GUCY2F: variants seen among roughly 807,000 people sequenced by gnomAD.
GUCY2F encodes guanylate cyclase 2F, retinal, also known as retinal guanylyl cyclase 2.
GUCY2F carries 61 observed loss-of-function variants against 73.1 expected under a neutral mutation model. That is an observed-to-expected ratio of 0.83 (90% CI 0.68 to 1.03). GUCY2F has a LOEUF of 1.03. Ranked by LOEUF, GUCY2F falls within the 50% of genes least tolerant of loss-of-function variation. GUCY2F has a pLI of 0.00. For missense variants in GUCY2F, 912 were observed against 854.3 expected (o/e 1.07, Z -0.84); for synonymous variants, 331 against 307.8 (o/e 1.08, Z -0.79).
chrX:109,419,325 A>T (rs1471308091), intron 8 of GUCY2F, among the ~76,000 whole-genome samples: 1 of 110,931 alleles, frequency 9.0e-6, no homozygotes, highest in African/African-American at 3.3e-5. Flanking sequence ...ATCGTCTAGC[A>T]ATATATTAAA....
chrX:109,476,912 T>G (rs937637363), intron 1 of GUCY2F, among the ~76,000 whole-genome samples: 1 of 110,933 alleles, frequency 9.0e-6, no homozygotes, highest in Non-Finnish European at 1.9e-5. Flanking sequence ...GCATTTGTTC[T>G]GCTTGAGTCT....
intron 7 of GUCY2F, 100 bp from the exon 8 acceptor site, chrX:109,430,496 A>C (rs2272926): frequency 1.4e-5 from 7 of 518,469 alleles, no homozygotes; most frequent in Non-Finnish European, 2.0e-5. Context: ...CTATACCAGC[A>C]ATCCAAATAG....
intron 3 of GUCY2F, among the ~76,000 whole-genome samples, chrX:109,457,405 C>T (rs764179341): frequency 1.8e-5 from 2 of 111,763 alleles, no homozygotes; most frequent in East Asian, 5.6e-4. Context: ...ACTTGAAGGA[C>T]AAAATGGCAC....
intron 16 of GUCY2F, among the ~76,000 whole-genome samples, chrX:109,384,506 A>C (rs1001188876): frequency 8.9e-6 from 1 of 112,380 alleles, no homozygotes; most frequent in African/African-American, 3.2e-5. Flanking sequence ...AACAACAGAC[A>C]AATGGCATAT....
intron 6 of GUCY2F, among the ~76,000 whole-genome samples, chrX:109,444,139 G>A (rs190873423): frequency 9.8e-4 from 110 of 111,968 alleles, no homozygotes; most frequent in Non-Finnish European, 1.7e-3. Flanking sequence ...TGTCACAAGG[G>A]TGGAATGTAG....
At chrX:109,384,825 T>C (rs1374567411) in intron 16 of GUCY2F, among the ~76,000 whole-genome samples, 1 of 111,458 alleles carries the variant, frequency 9.0e-6, no homozygotes, top group Non-Finnish European at 1.9e-5. Context: ...TAGTCCCTTA[T>C]GTAGTTCTTT....
At chrX:109,400,714 TCACTCACACCCATGAAAGTCTCCAAAA>T (rs1930819740) in intron 10 of GUCY2F, among the ~76,000 whole-genome samples, 1 of 111,647 alleles carries the variant, frequency 9.0e-6, no homozygotes, top group Admixed American at 9.5e-5. Flanking sequence ...CATCCACCAC[TCACTCACACCCATGAAAGTCTCCAAAA>T]CACTCACTAT....
intron 8 of GUCY2F, among the ~76,000 whole-genome samples, chrX:109,412,993 C>T (rs1159418671): frequency 8.9e-6 from 1 of 112,341 alleles, no homozygotes; most frequent in African/African-American, 3.2e-5. Flanking sequence ...GAATACCCAC[C>T]TTGTGCTGTT....
chrX:109,424,541 G>C (rs1277615418), intron 8 of GUCY2F, among the ~76,000 whole-genome samples: 1 of 110,707 alleles, frequency 9.0e-6, no homozygotes, highest in Non-Finnish European at 1.9e-5. Flanking sequence ...ATAACACCAA[G>C]AGTTTACCCC....
chrX:109,437,294 T>G (rs1931774313), intron 7 of GUCY2F, among the ~76,000 whole-genome samples: 1 of 111,824 alleles, frequency 8.9e-6, no homozygotes, highest in African/African-American at 3.2e-5. Context: ...AAAGTCCCCA[T>G]TTGGCCTACA....
chrX:109,481,448 G>A (rs759354425), intron 1 of GUCY2F, among the ~76,000 whole-genome samples: 2 of 111,575 alleles, frequency 1.8e-5, no homozygotes, highest in Non-Finnish European at 3.8e-5. Context: ...GAAAACCACC[G>A]TTCGTTAAAC....
At chrX:109,444,074 G>C (rs953872052) in intron 6 of GUCY2F, among the ~76,000 whole-genome samples, 9 of 111,505 alleles carry the variant, frequency 8.1e-5, no homozygotes, top group African/African-American at 2.9e-4. Flanking sequence ...ACTACCATGA[G>C]TCCTAGGGTC....
At chrX:109,389,260 G>T (rs750844421) in intron 14 of GUCY2F, among the ~76,000 whole-genome samples, 1 of 111,745 alleles carries the variant, frequency 8.9e-6, no homozygotes, top group South Asian at 3.8e-4. Context: ...CAACTGCTTT[G>T]CAGGGGACGG....
intron 11 of GUCY2F, among the ~76,000 whole-genome samples, chrX:109,397,026 G>C (rs191625645): frequency 8.9e-6 from 1 of 112,060 alleles, no homozygotes; most frequent in African/African-American, 3.2e-5. Context: ...AACAATATAA[G>C]TGCTCTAGCT....
chrX:109,400,714 T>C (rs192192511), intron 10 of GUCY2F, among the ~76,000 whole-genome samples: 1 of 111,647 alleles, frequency 9.0e-6, no homozygotes, highest in Non-Finnish European at 1.9e-5. Context: ...CATCCACCAC[T>C]CACTCACACC....
At chrX:109,407,614 G>A (rs1194842138) in intron 9 of GUCY2F, among the ~76,000 whole-genome samples, 6 of 113,056 alleles carry the variant, frequency 5.3e-5, no homozygotes, top group African/African-American at 1.9e-4. Context: ...GGCCCAGGAG[G>A]AAAACGTGGT....
At chrX:109,423,712 A>G (rs1931422755) in intron 8 of GUCY2F, among the ~76,000 whole-genome samples, 2 of 108,514 alleles carry the variant, frequency 1.8e-5, no homozygotes, top group Admixed American at 1.0e-4. Context: ...TTTTTATTAA[A>G]AAAAAAAAAG....
intron 8 of GUCY2F, among the ~76,000 whole-genome samples, chrX:109,420,806 A>G (rs958939973): frequency 9.0e-5 from 10 of 111,722 alleles, no homozygotes; most frequent in Non-Finnish European, 1.9e-4. Flanking sequence ...TCAAAAAGAC[A>G]AATGTTAAGA....
At chrX:109,464,705 A>G (rs1932428718) in intron 3 of GUCY2F, among the ~76,000 whole-genome samples, 1 of 112,552 alleles carries the variant, frequency 8.9e-6, no homozygotes, top group Non-Finnish European at 1.9e-5. Context: ...GGGAAGCTCA[A>G]ATGCCTACAG....
Sources: allele counts gnomAD v4.1 joint callset (sites outside exome capture counted in the v4.1 genomes callset), GRCh38; gene constraint gnomAD v4.1.1; transcripts MANE v1.5; gene names NCBI Gene and HGNC (gene_info 2026-07-23, HGNC 2026-07-21).